Variants in CDK8 observed in about 807,000 individuals in gnomAD.
The protein encoded by CDK8 is cyclin-dependent kinase 8.
CDK8 carries 29 observed loss-of-function variants against 71.5 expected under a neutral mutation model. That is an observed-to-expected ratio of 0.41 (90% confidence interval 0.30 to 0.55). CDK8 has a LOEUF of 0.55. Among genes scored for constraint, CDK8 ranks in the 20% least tolerant of loss-of-function variants. The pLI, the probability that CDK8 is intolerant of heterozygous loss-of-function variation, is 0.37. For synonymous variants in CDK8, 161 were observed against 192.1 expected, an observed-to-expected ratio of 0.84 and a Z score of 1.34; for missense variants, 288 against 572.6, an observed-to-expected ratio of 0.50 and a Z score of 5.07.
intron 1 of CDK8, among the ~76,000 whole-genome samples, chr13:26,280,299 G>T (rs1434251806): frequency 5.9e-5 from 9 of 152,306 alleles, no homozygotes; most frequent in Non-Finnish European, 8.8e-5. Context: ...AAGTAACCTT[G>T]TGTGACTTTA....
chr13:26,379,422 C>T (rs1430651619), intron 4 of CDK8, among the ~76,000 whole-genome samples: 1 of 152,140 alleles, frequency 6.6e-6, no homozygotes, highest in Admixed American at 6.6e-5. Flanking sequence ...TATCCCCCCA[C>T]CAGTGGTCAA....
rs141177081 is a variant in CDK8, at chr13:26,403,268, A to T, written c.1270-688A>T. On this transcript the variant is annotated intron_variant, in intron 12 of 12. Coordinates refer to ENST00000381527, the MANE Select transcript of CDK8 (RefSeq NM_001260.3). ...CTCATGCCCGTAATCCCAGTGGTTT[A>T]GAAGGCTGAGGGGAAGGATCACTTG... 1.9e-3 allele frequency among the ~76,000 whole-genome samples: 282 copies of T among 152,294 alleles called. 3 individuals are homozygous for T. Among genetic ancestry groups the T allele is most frequent in the African/African-American group, 6.3e-3 (261 of 41,564 alleles).
chr13:26,362,664 TTAGTC>T (rs1469741798), intron 4 of CDK8, among the ~76,000 whole-genome samples: 2 of 152,156 alleles, frequency 1.3e-5, no homozygotes, highest in Non-Finnish European at 2.9e-5. Flanking sequence ...TCTTTCCACT[TTAGTC>T]TACTGTTTCA....
intron 1 of CDK8, among the ~76,000 whole-genome samples, chr13:26,264,417 G>A (rs766627053): frequency 1.3e-5 from 2 of 152,014 alleles, no homozygotes; most frequent in Admixed American, 6.6e-5. Flanking sequence ...TCCCAAGTGG[G>A]TGGGACTAGC....
chr13:26,355,799 A>AT (rs1187619311), intron 4 of CDK8, among the ~76,000 whole-genome samples: 1 of 151,864 alleles, frequency 6.6e-6, no homozygotes, highest in African/African-American at 2.4e-5. Context: ...GCTTAAGGAC[A>AT]TTTTTTTCCC....
chr13:26,392,258 A>G (rs1316561631), intron 6 of CDK8, among the ~76,000 whole-genome samples: 1 of 151,112 alleles, frequency 6.6e-6, no homozygotes, highest in Non-Finnish European at 1.5e-5. Context: ...AAAGGAATTT[A>G]CTTTGTTGTG....
rs1253606939 is a variant in CDK8 at position 26,369,843 on chromosome 13, A to G, written c.457-12971A>G. On this transcript the variant is annotated intron_variant, in intron 4 of 12. Transcript: ENST00000381527. ...AGTGCTGGGATTACAGGCATGAGCCACCATGCTCAGCCGGTTGGACGATTT... is the reference window on the plus strand; with the variant it reads ...AGTGCTGGGATTACAGGCATGAGCCGCCATGCTCAGCCGGTTGGACGATTT... 1.3e-5 allele frequency among the ~76,000 whole-genome samples: 2 copies of G among 149,752 alleles called. 1 individual carries two copies. The highest frequency in any genetic ancestry group is 3.0e-5 in the Non-Finnish European group (2 of 67,714).
At chr13:26,367,156 C>T (rs1026597441) in intron 4 of CDK8, among the ~76,000 whole-genome samples, 1 of 151,876 alleles carries the variant, frequency 6.6e-6, no homozygotes, top group Non-Finnish European at 1.5e-5. Context: ...CTCTTTTTTC[C>T]CCCCTTCTGG....
At chr13:26,324,804 T>C in intron 1 of CDK8, 1 of 891,520 alleles carries the variant, frequency 1.1e-6, no homozygotes, top group Non-Finnish European at 1.3e-6. Flanking sequence ...GGGAAGATAA[T>C]TTAAGAAAGA....
At position 26,357,591 on chromosome 13, in the gene CDK8, G is replaced by A. The variant is rs115641494; in HGVS notation, c.456+3711G>A. The stretch of plus-strand genomic sequence containing the variant: ...ACCAGTCTACTATAGTCCTGGTTCT[G>A]GTATTACCATCTATACTGCTTAGGG... On this transcript the variant is annotated intron_variant, in intron 4 of 12. Coordinates refer to ENST00000381527, the MANE Select transcript of CDK8 (RefSeq NM_001260.3). Among the ~76,000 whole-genome samples, 1,003 of 152,224 alleles carry A rather than the reference G, an allele frequency of 6.6e-3. 10 individuals carry two copies. Among genetic ancestry groups the A allele is most frequent in the African/African-American group, 0.021 (870 of 41,540 alleles).
chr13:26,302,875 T>C (rs1873882426), intron 1 of CDK8, among the ~76,000 whole-genome samples: 1 of 152,224 alleles, frequency 6.6e-6, no homozygotes, highest in South Asian at 2.1e-4. Flanking sequence ...TTTATAGTTT[T>C]GTTTTGTTTA....
At chr13:26,268,777 A>G (rs1188968928) in intron 1 of CDK8, among the ~76,000 whole-genome samples, 1 of 152,216 alleles carries the variant, frequency 6.6e-6, no homozygotes, top group Non-Finnish European at 1.5e-5. Context: ...TAATGTTGCT[A>G]CAATTTGTGA....
chr13:26,343,065 T>A (rs1438257398), intron 2 of CDK8, among the ~76,000 whole-genome samples: 1 of 151,936 alleles, frequency 6.6e-6, no homozygotes, highest in Non-Finnish European at 1.5e-5. Flanking sequence ...GGGCCCACTC[T>A]AAAGACCTCA....
intron 6 of CDK8, among the ~76,000 whole-genome samples, chr13:26,386,659 T>C (rs1875491936): frequency 6.6e-6 from 1 of 152,220 alleles, no homozygotes; most frequent in African/African-American, 2.4e-5. Flanking sequence ...TAGAGGTAAA[T>C]TTTCTAGTTC....
At chr13:26,291,195 G>A (rs940704832) in intron 1 of CDK8, among the ~76,000 whole-genome samples, 2 of 152,000 alleles carry the variant, frequency 1.3e-5, no homozygotes, top group African/African-American at 2.4e-5. Flanking sequence ...CAGTAACATG[G>A]TGTACAGGTT....
intron 1 of CDK8, among the ~76,000 whole-genome samples, chr13:26,273,671 A>G (rs1355442718): frequency 1.3e-5 from 2 of 151,920 alleles, no homozygotes; most frequent in Admixed American, 6.6e-5. Flanking sequence ...AAAAATATAT[A>G]TATATATAGT....
At chr13:26,339,747 TAAAAAA>T (rs759709011) in intron 2 of CDK8, among the ~76,000 whole-genome samples, 16 of 29,874 alleles carry the variant, frequency 5.4e-4, no homozygotes, top group South Asian at 1.8e-3. Flanking sequence ...TATAATTACT[TAAAAAA>T]AAAATATATA....
rs768629626 is a variant in CDK8, at chr13:26,400,434, G to A, written c.934-19G>A. 1.4e-6 allele frequency: 2 copies of A among 1,461,838 alleles called. No individual in the cohort carries two copies. The highest frequency in any genetic ancestry group is 1.7e-4 in the Middle Eastern group (1 of 5,798). The allele number at this position is 1,461,838 out of a possible 1,614,324, so 90.6% of individuals were successfully genotyped here. ...TGTGAGAAGCAATACCGTCATGTTT[G>A]TATGATTTGTGATTTCAGCTTCAGA... On this transcript the variant is annotated intron_variant, in intron 9 of 12. Coordinates refer to ENST00000381527, the MANE Select transcript of CDK8 (RefSeq NM_001260.3).
Position 26,397,237 on chromosome 13 carries a change from T to C in CDK8, c.933+12T>C. On this transcript the variant is annotated intron_variant, in intron 9 of 12. Coordinates refer to ENST00000381527, the MANE Select transcript of CDK8 (RefSeq NM_001260.3). ...AAGCATTCCACTTGGTAAGCATTGGTTAACAGTATTAATGAAATGCATTTT... is the reference window on the plus strand; with the variant it reads ...AAGCATTCCACTTGGTAAGCATTGGCTAACAGTATTAATGAAATGCATTTT... 6.5e-7 allele frequency: 1 copy of C among 1,529,622 alleles called. No individual in the cohort carries two copies. Among genetic ancestry groups the C allele is most frequent in the Non-Finnish European group, 9.0e-7 (1 of 1,109,102 alleles). The allele number at this position is 1,529,622 out of a possible 1,614,324, so 94.8% of individuals were successfully genotyped here. A position where few individuals can be genotyped will look rare whatever the true frequency, so the allele number is the denominator to read the frequency against.
Sources: gnomAD v4.1 joint callset for allele counts (sites outside exome capture counted in the v4.1 genomes callset) on GRCh38, gnomAD v4.1.1 for gene constraint, MANE v1.5 for transcripts, NCBI Gene and HGNC (gene_info 2026-07-23, HGNC 2026-07-21) for gene names.